FAM222B: variants seen among roughly 807,000 people sequenced by gnomAD.
The protein encoded by FAM222B is protein FAM222B.
FAM222B carries 12 observed loss-of-function variants against 38.0 expected under a neutral mutation model. The ratio of observed to expected loss-of-function variants is 0.32; its 90% CI spans 0.20 to 0.51. The LOEUF (loss-of-function observed/expected upper bound fraction) is 0.51. FAM222B is among the 20% of genes least tolerant of loss of function. FAM222B has a pLI of 0.97. For missense variants in FAM222B, 716 were observed against 754.2 expected (o/e 0.95, Z 0.59); for synonymous variants, 329 against 317.2 (o/e 1.04, Z -0.40).
chr17:28,763,593 A>G (rs1455563416), intron 2 of FAM222B, among the ~76,000 whole-genome samples: 1 of 152,248 alleles, frequency 6.6e-6, no homozygotes, highest in Non-Finnish European at 1.5e-5. Context: ...AGGAACCTCT[A>G]TCTGTAGGCA....
At chr17:28,839,555 G>A (rs1418980623) in intron 1 of FAM222B, among the ~76,000 whole-genome samples, 1 of 151,904 alleles carries the variant, frequency 6.6e-6, no homozygotes, top group Non-Finnish European at 1.5e-5. Flanking sequence ...TTCCAGTAGG[G>A]GGAAAAATGC....
chr17:28,837,828 T>A (rs2038901394), intron 1 of FAM222B, among the ~76,000 whole-genome samples: 1 of 152,092 alleles, frequency 6.6e-6, no homozygotes, highest in African/African-American at 2.4e-5. Flanking sequence ...AATCTTTGTA[T>A]TTTTAGCAGA....
At chr17:28,767,733 C>T (rs2035411075) in intron 1 of FAM222B, among the ~76,000 whole-genome samples, 1 of 152,164 alleles carries the variant, frequency 6.6e-6, no homozygotes, top group South Asian at 2.1e-4. Context: ...GCCTCAGCTT[C>T]CCAAAGTGCT....
intron 1 of FAM222B, among the ~76,000 whole-genome samples, chr17:28,774,203 A>C (rs1201315295): frequency 6.6e-6 from 1 of 150,940 alleles, no homozygotes; most frequent in Non-Finnish European, 1.5e-5. Context: ...CTTAAATGTA[A>C]ATTCCAATAT....
intron 1 of FAM222B, among the ~76,000 whole-genome samples, chr17:28,800,032 T>G (rs999341216): frequency 6.8e-6 from 1 of 146,136 alleles, no homozygotes; most frequent in Non-Finnish European, 1.5e-5. Flanking sequence ...CAATGATACT[T>G]TCTTTTTTTT....
intron 1 of FAM222B, among the ~76,000 whole-genome samples, chr17:28,825,922 C>T (rs2038424336): frequency 6.7e-6 from 1 of 150,036 alleles, no homozygotes; most frequent in Admixed American, 6.7e-5. Context: ...TTACAGGCAC[C>T]CACCACCATG....
chr17:28,854,269 G>GAAATCCT, intron 1 of FAM222B, among the ~76,000 whole-genome samples: 1 of 152,310 alleles, frequency 6.6e-6, no homozygotes. Context: ...TGATTTAGAG[G>GAAATCCT]CTACAAAGGA....
intron 1 of FAM222B, among the ~76,000 whole-genome samples, chr17:28,841,783 G>T (rs1435360206): frequency 6.6e-6 from 1 of 152,150 alleles, no homozygotes; most frequent in African/African-American, 2.4e-5. Context: ...TTTCGGGTGA[G>T]GAGCTGCAAA....
chr17:28,770,610 A>C (rs955679791), intron 1 of FAM222B, among the ~76,000 whole-genome samples: 1 of 147,126 alleles, frequency 6.8e-6, no homozygotes, highest in African/African-American at 2.5e-5. Flanking sequence ...TTGCTCTCTC[A>C]CCCAGGCTGG....
chr17:28,778,719 A>ATTTT lies in FAM222B; in HGVS notation c.-40-12016_-40-12013dup, dbSNP rs59098589. ...TGTGTATATATATATATATATATATATTTTTTTTTTTTTTTTTTTTTTTTT... is the reference window on the plus strand; with the variant it reads ...TGTGTATATATATATATATATATATATTTTTTTTTTTTTTTTTTTTTTTTTTTTT... On this transcript the variant is annotated intron_variant, in intron 1 of 2. Transcript: ENST00000581407. Among the ~76,000 whole-genome samples, 93 of 25,488 alleles carry ATTTT rather than the reference A, an allele frequency of 3.6e-3. 10 individuals carry two copies. The highest frequency in any genetic ancestry group is 8.1e-3 in the African/African-American group (53 of 6,568). The allele number at this position is 25,488 out of a possible 152,430, so 16.7% of individuals were successfully genotyped here.
At chr17:28,852,376 A>G (rs184472540) in intron 1 of FAM222B, among the ~76,000 whole-genome samples, 1 of 151,766 alleles carries the variant, frequency 6.6e-6, no homozygotes, top group Admixed American at 6.6e-5. Context: ...TGTTCAGGCC[A>G]GGTACAGTGA....
chr17:28,764,447 TAATAA>T (rs968892959), intron 2 of FAM222B, among the ~76,000 whole-genome samples: 8 of 145,204 alleles, frequency 5.5e-5, no homozygotes, highest in African/African-American at 1.0e-4. Flanking sequence ...CTCCTCAAAA[TAATAA>T]AATAAAATAA....
At chr17:28,778,719 A>ATATATATATATATATTTT (rs1411311023) in intron 1 of FAM222B, among the ~76,000 whole-genome samples, 2 of 25,496 alleles carry the variant, frequency 7.8e-5, no homozygotes, top group Non-Finnish European at 1.3e-4. Context: ...ATATATATAT[A>ATATATATATATATATTTT]TTTTTTTTTT....
intron 1 of FAM222B, among the ~76,000 whole-genome samples, chr17:28,790,049 T>C (rs1276087345): frequency 6.6e-6 from 1 of 152,228 alleles, no homozygotes; most frequent in African/African-American, 2.4e-5. Context: ...TGGCAGATTA[T>C]TTGGGCATTT....
chr17:28,844,837 A>G (rs1441318235), upstream of FAM222B, among the ~76,000 whole-genome samples: 1 of 151,958 alleles, frequency 6.6e-6, no homozygotes, highest in East Asian at 1.9e-4. Context: ...AAGATAGCTC[A>G]TGCCTGTAAA....
At chr17:28,838,236 T>C (rs1405616058) in intron 1 of FAM222B, among the ~76,000 whole-genome samples, 1 of 151,846 alleles carries the variant, frequency 6.6e-6, no homozygotes, top group Non-Finnish European at 1.5e-5. Context: ...TGAGCCAAGA[T>C]GGCGCCACTG....
chr17:28,842,966 C>A (rs1019248014), upstream of FAM222B: 6 of 152,260 alleles, frequency 3.9e-5, no homozygotes, highest in African/African-American at 1.4e-4. Context: ...GAGAATTTGG[C>A]GGCTGCCTCA....
At chr17:28,825,690 T>G (rs769528904) in intron 1 of FAM222B, among the ~76,000 whole-genome samples, 1 of 152,212 alleles carries the variant, frequency 6.6e-6, no homozygotes, top group Non-Finnish European at 1.5e-5. Context: ...CTTAGAGAGA[T>G]ATTCTCCCAA....
intron 1 of FAM222B, among the ~76,000 whole-genome samples, chr17:28,770,150 C>T (rs1450188263): frequency 2.0e-5 from 3 of 152,160 alleles, no homozygotes; most frequent in Non-Finnish European, 2.9e-5. Flanking sequence ...TCTCTCTCCA[C>T]CCCACTAGGA....
Sources: allele counts gnomAD v4.1 joint callset (sites outside exome capture counted in the v4.1 genomes callset), GRCh38; gene constraint gnomAD v4.1.1; transcripts MANE v1.5; gene names NCBI Gene and HGNC (gene_info 2026-07-23, HGNC 2026-07-21).